CRACD: variants seen among roughly 807,000 people sequenced by gnomAD.
The protein encoded by CRACD is capping protein-inhibiting regulator of actin dynamics.
In CRACD, 56 loss-of-function variants were observed where a neutral mutation model predicts 106.8. The observed-to-expected ratio is 0.52, with a 90% CI of 0.42 to 0.66. CRACD has a LOEUF of 0.66. Ranked by LOEUF, CRACD falls within the 30% of genes least tolerant of loss-of-function variation. The pLI is 0.00. For synonymous variants in CRACD, 754 were observed against 670.8 expected (o/e 1.12, Z -1.92); for missense variants, 1,730 against 1,623.2 (o/e 1.07, Z -1.13).
Position 56,315,151 on chromosome 4 carries a change from T to C in CRACD, c.1649T>C (p.Phe550Ser). 6.2e-7 allele frequency: 1 copy of C among 1,606,892 alleles called. No homozygotes were observed. Among genetic ancestry groups the C allele is most frequent in the Non-Finnish European group, 8.5e-7 (1 of 1,177,392 alleles). Reference sequence around the variant, plus strand: ...TCCTCCGGAGGGAAGCAGATTCTCTTTCCCAAAGTCAACCTGAGCCCCGTG... The same window carrying C: ...TCCTCCGGAGGGAAGCAGATTCTCTCTCCCAAAGTCAACCTGAGCCCCGTG... ...QVSSGGKQILFPKVNLSPVTP... is the reference protein window; with the variant it reads ...QVSSGGKQILSPKVNLSPVTP... The change falls in exon 8 of 11, where the codon TTT (phenylalanine) becomes TCT (serine). Residue 550 changes from phenylalanine to serine, a missense_variant. This residue lies in a region of CRACD where 1,620 missense variants were observed against 1,481.6 expected (regional missense o/e 1.09). Transcript: ENST00000682029. The surrounding 1 kb of genome is among the most constrained non-coding windows in gnomAD (Gnocchi z 4.1).
At chr4:56,224,729 T>C (rs1739208997) in intron 2 of CRACD, among the ~76,000 whole-genome samples, 1 of 152,258 alleles carries the variant, frequency 6.6e-6, no homozygotes, top group Non-Finnish European at 1.5e-5. Flanking sequence ...TTTCTTTGGC[T>C]TAACCATGTA....
chr4:56,065,363 C>T (rs1732431178), intron 1 of CRACD, among the ~76,000 whole-genome samples: 1 of 152,188 alleles, frequency 6.6e-6, no homozygotes, highest in Non-Finnish European at 1.5e-5. Context: ...GCTGGGATTA[C>T]AGTCGTGAGC....
intron 1 of CRACD, among the ~76,000 whole-genome samples, chr4:56,076,920 A>T (rs1282015435): frequency 1.3e-5 from 2 of 152,054 alleles, no homozygotes; most frequent in African/African-American, 4.8e-5. Context: ...GTTTTTTTTT[A>T]AACACCTAAA....
chr4:56,125,322 T>G (rs929817155), intron 1 of CRACD, among the ~76,000 whole-genome samples: 6 of 152,232 alleles, frequency 3.9e-5, no homozygotes, highest in Non-Finnish European at 8.8e-5. Flanking sequence ...TTTGGTATTT[T>G]TCTCCCCTTG....
chr4:56,196,505 A>G (rs1468965145), intron 2 of CRACD: 4 of 152,876 alleles, frequency 2.6e-5, no homozygotes, highest in African/African-American at 9.6e-5. Context: ...TTTAGTGTAG[A>G]AAAATACCTG....
chr4:56,156,319 T>G (rs1018235156), intron 1 of CRACD, among the ~76,000 whole-genome samples: 1 of 152,222 alleles, frequency 6.6e-6, no homozygotes, highest in Admixed American at 6.5e-5. Context: ...TCAGTGGCCC[T>G]TCCTCTGAGA....
chr4:56,127,178 A>C (rs541630476), intron 1 of CRACD, among the ~76,000 whole-genome samples: 1 of 152,174 alleles, frequency 6.6e-6, no homozygotes, highest in Admixed American at 6.5e-5. Context: ...TCCCCTCTGG[A>C]GGACACAGCA....
At chr4:56,232,450 A>T (rs1434483634) in intron 2 of CRACD, among the ~76,000 whole-genome samples, 1 of 151,952 alleles carries the variant, frequency 6.6e-6, no homozygotes, top group Non-Finnish European at 1.5e-5. Context: ...AATATTCTAG[A>T]TGTCTTTCAT....
intron 1 of CRACD, among the ~76,000 whole-genome samples, chr4:56,096,438 C>T (rs1003928778): frequency 1.3e-5 from 2 of 150,666 alleles, no homozygotes; most frequent in Non-Finnish European, 2.9e-5. Flanking sequence ...ATGGGTTGGG[C>T]GTGGTGTCTC....
chr4:56,301,200 CA>C, intron 4 of CRACD: 1 of 1,284,424 alleles, frequency 7.8e-7, no homozygotes, highest in South Asian at 1.2e-5. Flanking sequence ...GAATCATCCC[CA>C]AAAAGACTGT....
chr4:56,156,737 C>T (rs1421609688), intron 1 of CRACD, among the ~76,000 whole-genome samples: 4 of 152,188 alleles, frequency 2.6e-5, no homozygotes, highest in Non-Finnish European at 5.9e-5. Context: ...CTCTGTTCTA[C>T]ACTTAATAGT....
intron 3 of CRACD, among the ~76,000 whole-genome samples, chr4:56,284,845 G>T (rs1743246529): frequency 6.6e-6 from 1 of 152,190 alleles, no homozygotes; most frequent in Admixed American, 6.5e-5. Flanking sequence ...AACAGCATGA[G>T]ATTCATACAA....
intron 2 of CRACD, among the ~76,000 whole-genome samples, chr4:56,225,831 A>C (rs1342927710): frequency 1.3e-5 from 2 of 152,234 alleles, no homozygotes; most frequent in Non-Finnish European, 2.9e-5. Context: ...ATTAGCTGTG[A>C]AATAATTTTT....
intron 2 of CRACD, among the ~76,000 whole-genome samples, chr4:56,260,636 T>A (rs911628073): frequency 6.6e-6 from 1 of 152,212 alleles, no homozygotes; most frequent in Non-Finnish European, 1.5e-5. Flanking sequence ...GGGAGATTAC[T>A]TGAGATAATC....
chr4:56,247,107 C>A (rs1410168580), intron 2 of CRACD, among the ~76,000 whole-genome samples: 1 of 152,144 alleles, frequency 6.6e-6, no homozygotes, highest in Non-Finnish European at 1.5e-5. Flanking sequence ...ATAATCCAAG[C>A]TTTGAGCTCT....
intron 2 of CRACD, among the ~76,000 whole-genome samples, chr4:56,210,522 A>G (rs763136111): frequency 1.3e-5 from 2 of 152,134 alleles, no homozygotes; most frequent in Non-Finnish European, 2.9e-5. Context: ...TAGGGAGGCA[A>G]CTCTAAGTTT....
At position 56,308,231 on chromosome 4, in the gene CRACD, T is replaced by C. The variant is rs189104811; in HGVS notation, c.285+532T>C. ...AATGAAAAAAGAAATGCGTAGGGGC[T>C]CCATGAGATAGAAGACATCAAACAG... On this transcript the variant is annotated intron_variant, in intron 5 of 10. Transcript: ENST00000682029. Among the ~76,000 whole-genome samples the C allele has an allele frequency of 3.9e-5, 6 of 152,226 alleles. No homozygotes were observed. The East Asian group carries it at 1.2e-3, about 29-fold the overall frequency.
chr4:56,101,579 A>G (rs917841498), intron 1 of CRACD, among the ~76,000 whole-genome samples: 1 of 152,124 alleles, frequency 6.6e-6, no homozygotes, highest in Non-Finnish European at 1.5e-5. Flanking sequence ...CCTGGCCAAC[A>G]TGGTGAAACC....
rs551006290 is a variant in CRACD, at chr4:56,143,001, T to A, written c.-335-36283T>A. Reference sequence around the variant, plus strand: ...TTTTCATTGATTTTTCTCTTTCAAATTTTTTTTTTTTACATATTATCAATC... The same window carrying A: ...TTTTCATTGATTTTTCTCTTTCAAAATTTTTTTTTTTACATATTATCAATC... On this transcript the variant is annotated intron_variant, in intron 1 of 10. Coordinates refer to ENST00000682029, the MANE Select transcript of CRACD (RefSeq NM_001393381.1). 2.4e-4 allele frequency among the ~76,000 whole-genome samples: 34 copies of A among 140,964 alleles called. 1 individual carries two copies. The South Asian group carries it at 5.2e-3, about 21-fold the overall frequency. The allele number at this position is 140,964 out of a possible 152,430, so 92.5% of individuals were successfully genotyped here. A position where few individuals can be genotyped will look rare whatever the true frequency, so the allele number is the denominator to read the frequency against.
Sources: allele counts gnomAD v4.1 joint callset (sites outside exome capture counted in the v4.1 genomes callset), GRCh38; gene constraint gnomAD v4.1.1; regional missense constraint gnomAD v4.1.1; non-coding constraint Gnocchi (gnomAD v3.1); transcripts MANE v1.5; gene names NCBI Gene and HGNC (gene_info 2026-07-23, HGNC 2026-07-21).